Variants in LRBA observed in about 807,000 individuals in gnomAD.
The protein encoded by LRBA is lipopolysaccharide-responsive and beige-like anchor protein.
In LRBA, 176 loss-of-function variants were observed where a neutral mutation model predicts 330.0. That is an observed-to-expected ratio of 0.53 (90% CI 0.47 to 0.60). The LOEUF (loss-of-function observed/expected upper bound fraction) is 0.60. Ranked by LOEUF, LRBA falls within the 20% of genes least tolerant of loss-of-function variation. LRBA has a pLI of 0.00. For missense variants in LRBA, 3,259 were observed against 3,444.8 expected, an observed-to-expected ratio of 0.95 and a Z score of 1.35; for synonymous variants, 1,230 against 1,193.0, an observed-to-expected ratio of 1.03 and a Z score of -0.64.
intron 35 of LRBA, among the ~76,000 whole-genome samples, chr4:150,740,141 G>C (rs917466867): frequency 1.3e-5 from 2 of 152,074 alleles, no homozygotes; most frequent in African/African-American, 4.8e-5. Flanking sequence ...ATTAGGAAAC[G>C]TTTGCAGTAA....
At position 150,878,028 on chromosome 4, in the gene LRBA, A is replaced by G. The variant is rs962795857; in HGVS notation, c.2166-5273T>C. On this transcript the variant is annotated intron_variant, in intron 17 of 56. Coordinates refer to ENST00000651943, the MANE Select transcript of LRBA (RefSeq NM_001364905.1). ...AACCAAAACTCTAGGATACAGCCAAAGCAGTGTTAAGACGAAACTTTAGGC... is the reference window on the plus strand; with the variant it reads ...AACCAAAACTCTAGGATACAGCCAAGGCAGTGTTAAGACGAAACTTTAGGC... Among the ~76,000 whole-genome samples the G allele has an allele frequency of 1.3e-5, 2 of 152,202 alleles. 1 individual carries two copies. Among genetic ancestry groups the G allele is most frequent in the Non-Finnish European group, 2.9e-5 (2 of 68,032 alleles).
chr4:150,918,904 A>G (rs1009887398), intron 5 of LRBA, among the ~76,000 whole-genome samples: 7 of 152,186 alleles, frequency 4.6e-5, no homozygotes, highest in Non-Finnish European at 8.8e-5. Context: ...ATATGACCTA[A>G]TCTAGAGATT....
At chr4:151,007,648 G>A (rs778918744) in intron 2 of LRBA, among the ~76,000 whole-genome samples, 1 of 151,880 alleles carries the variant, frequency 6.6e-6, no homozygotes, top group Non-Finnish European at 1.5e-5. Flanking sequence ...ACGAGGTCAG[G>A]AGATCGAGAC....
chr4:150,739,874 A>C (rs1317755086), intron 35 of LRBA, among the ~76,000 whole-genome samples: 1 of 152,218 alleles, frequency 6.6e-6, no homozygotes, highest in Non-Finnish European at 1.5e-5. Flanking sequence ...TTCCTAGTCA[A>C]ACATCAAATA....
At chr4:150,855,645 T>C (rs994029496) in intron 22 of LRBA, among the ~76,000 whole-genome samples, 3 of 152,156 alleles carry the variant, frequency 2.0e-5, no homozygotes, top group African/African-American at 7.2e-5. Context: ...CTGCCCAAAC[T>C]GTACTCCCTA....
At chr4:150,487,084 G>C (rs930870819) in intron 42 of LRBA, among the ~76,000 whole-genome samples, 1 of 151,700 alleles carries the variant, frequency 6.6e-6, no homozygotes, top group East Asian at 1.9e-4. Context: ...TGGGAGTAAT[G>C]CTGCAATGCA....
At chr4:150,443,546 A>G (rs1182330638) in intron 44 of LRBA, among the ~76,000 whole-genome samples, 2 of 152,138 alleles carry the variant, frequency 1.3e-5, no homozygotes, top group African/African-American at 4.8e-5. Flanking sequence ...TGTCCTTTGT[A>G]GGAACATGGA....
chr4:150,532,560 A>G (rs531970684), intron 40 of LRBA, among the ~76,000 whole-genome samples: 2 of 152,126 alleles, frequency 1.3e-5, no homozygotes, highest in Admixed American at 6.6e-5. Context: ...TTAAAAAAAA[A>G]TACCAGTGAT....
intron 9 of LRBA, among the ~76,000 whole-genome samples, chr4:150,910,103 G>A (rs961555569): frequency 1.3e-5 from 2 of 152,038 alleles, no homozygotes; most frequent in African/African-American, 2.4e-5. Flanking sequence ...CACTCTGTAG[G>A]TTACCTTTCC....
chr4:150,896,003 G>A (rs978125852), intron 16 of LRBA, among the ~76,000 whole-genome samples: 13 of 152,148 alleles, frequency 8.5e-5, no homozygotes, highest in African/African-American at 3.1e-4. Flanking sequence ...TAAATGAGCT[G>A]TTTAATATCT....
At chr4:150,664,666 T>C (rs1201080252) in intron 37 of LRBA, among the ~76,000 whole-genome samples, 1 of 152,158 alleles carries the variant, frequency 6.6e-6, no homozygotes, top group South Asian at 2.1e-4. Flanking sequence ...TAGTGCACAT[T>C]ATATAATTCC....
At chr4:150,499,658 T>C (rs556179741) in intron 40 of LRBA, among the ~76,000 whole-genome samples, 6 of 151,968 alleles carry the variant, frequency 3.9e-5, no homozygotes, top group African/African-American at 1.4e-4. Flanking sequence ...TATTTTTGTC[T>C]AATGTTCCCC....
intron 37 of LRBA, among the ~76,000 whole-genome samples, chr4:150,649,256 T>C (rs1779485814): frequency 6.6e-6 from 1 of 152,216 alleles, no homozygotes; most frequent in Non-Finnish European, 1.5e-5. Context: ...AATTTTAAAA[T>C]GGTTGAGAGA....
intron 34 of LRBA, among the ~76,000 whole-genome samples, chr4:150,789,200 C>T (rs1012621866): frequency 6.6e-6 from 1 of 152,120 alleles, no homozygotes; most frequent in African/African-American, 2.4e-5. Flanking sequence ...GAGACAAGAG[C>T]CACCTGTACA....
intron 44 of LRBA, among the ~76,000 whole-genome samples, chr4:150,443,853 A>AAAAATATATATATATATATAT (rs70941406): frequency 1.2e-4 from 9 of 75,476 alleles, no homozygotes; most frequent in Non-Finnish European, 2.4e-4. Context: ...TAATTAAAAA[A>AAAAATATATATATATATATAT]ATATATATAT....
At chr4:150,936,102 C>T (rs1735057340) in intron 2 of LRBA, among the ~76,000 whole-genome samples, 3 of 151,378 alleles carry the variant, frequency 2.0e-5, no homozygotes, top group Admixed American at 2.0e-4. Context: ...ATGAATTTAA[C>T]TTTGTTTGAA....
Position 150,421,567 on chromosome 4 carries a change from T to C in LRBA, c.7042-5977A>G, listed in dbSNP as rs549653884. ...TATTTAGTTCTTATTCTTTTTTTGTTTGTTTAACAGAGAGCTTCAGTTTCA... is the reference window on the plus strand; with the variant it reads ...TATTTAGTTCTTATTCTTTTTTTGTCTGTTTAACAGAGAGCTTCAGTTTCA... On this transcript the variant is annotated intron_variant, in intron 46 of 56. Transcript: ENST00000651943. Among the ~76,000 whole-genome samples, 5 of 152,218 alleles carry C rather than the reference T, an allele frequency of 3.3e-5. No individual in the cohort carries two copies. The South Asian group carries it at 1.0e-3, about 32-fold the overall frequency.
chr4:150,284,317 G>C (rs1393687630), intron 54 of LRBA, among the ~76,000 whole-genome samples: 1 of 152,186 alleles, frequency 6.6e-6, no homozygotes. Flanking sequence ...ACTTAGAAAA[G>C]AGTATGACAG....
intron 37 of LRBA, among the ~76,000 whole-genome samples, chr4:150,633,709 C>A (rs1304866779): frequency 6.6e-6 from 1 of 152,216 alleles, no homozygotes; most frequent in Admixed American, 6.5e-5. Context: ...GGCCATAAGG[C>A]CTCGTGTAAT....
Sources: gnomAD v4.1 joint callset for allele counts (sites outside exome capture counted in the v4.1 genomes callset) on GRCh38, gnomAD v4.1.1 for gene constraint, MANE v1.5 for transcripts, NCBI Gene and HGNC (gene_info 2026-07-23, HGNC 2026-07-21) for gene names.